Variants in BRAF observed in about 807,000 individuals in gnomAD.
BRAF encodes B-Raf proto-oncogene, serine/threonine kinase.
BRAF carries 16 observed loss-of-function variants against 104.6 expected under a neutral mutation model. The observed-to-expected ratio is 0.15, with a 90% confidence interval of 0.10 to 0.23. The LOEUF is 0.23. Ranked by LOEUF, BRAF falls within the 10% of genes least tolerant of loss-of-function variation. The pLI is 1.00. For synonymous variants in BRAF, 310 were observed against 341.6 expected, an observed-to-expected ratio of 0.91 and a Z score of 1.02; for missense variants, 541 against 937.3, an observed-to-expected ratio of 0.58 and a Z score of 5.52.
intron 10 of BRAF, among the ~76,000 whole-genome samples, chr7:140,784,775 G>C (rs1474666112): frequency 6.6e-6 from 1 of 151,958 alleles, no homozygotes; most frequent in Non-Finnish European, 1.5e-5. Context: ...CTCCCAAGTA[G>C]CTGGGATTAC....
Position 140,722,247 on chromosome 7 carries a change from T to C in BRAF, c.*4247A>G. 1 of 1,056,504 alleles carries C rather than the reference T, an allele frequency of 9.5e-7. No homozygotes were observed. Among genetic ancestry groups the C allele is most frequent in the East Asian group, 5.3e-5 (1 of 18,826 alleles). The allele number at this position is 1,056,504 out of a possible 1,614,324, so 65.4% of individuals were successfully genotyped here. On this transcript the variant is annotated 3_prime_UTR_variant, in exon 20 of 20. Coordinates refer to ENST00000644969, the MANE Select transcript of BRAF (RefSeq NM_001374258.1). Reference sequence around the variant, plus strand: ...AAAAATAATTTTGTTCACTGAAAATTTACCTGTGTGTTTTCTCATTGTTAA... The same window carrying C: ...AAAAATAATTTTGTTCACTGAAAATCTACCTGTGTGTTTTCTCATTGTTAA...
Position 140,724,244 on chromosome 7 carries a change from CAT to C in BRAF, c.*2248_*2249del, listed in dbSNP as rs1243921882. ...GAGGCAGTCCCGGACCCAGGCTGCACATGTTCTACCTCCTCAGCAGGACATGA... is the reference window on the plus strand; with the variant it reads ...GAGGCAGTCCCGGACCCAGGCTGCACGTTCTACCTCCTCAGCAGGACATGA... On this transcript the variant is annotated 3_prime_UTR_variant, in exon 20 of 20. Transcript: ENST00000644969. The C allele has an allele frequency of 9.4e-7, 1 of 1,059,254 alleles. No homozygotes were observed. Among genetic ancestry groups the C allele is most frequent in the Non-Finnish European group, 1.1e-6 (1 of 875,558 alleles). The allele number at this position is 1,059,254 out of a possible 1,614,324, so 65.6% of individuals were successfully genotyped here. A position where few individuals can be genotyped will look rare whatever the true frequency, so the allele number is the denominator to read the frequency against.
At chr7:140,921,814 C>A (rs1002341014) in intron 1 of BRAF, among the ~76,000 whole-genome samples, 11 of 149,710 alleles carry the variant, frequency 7.3e-5, no homozygotes, top group East Asian at 5.8e-4. Context: ...AAAAAAAAAA[C>A]CTACATTTTA....
intron 1 of BRAF, among the ~76,000 whole-genome samples, chr7:140,923,373 T>G (rs554905847): frequency 6.6e-6 from 1 of 152,302 alleles, no homozygotes; most frequent in South Asian, 2.1e-4. Context: ...AAGTATTATT[T>G]TCTGTAATAA....
chr7:140,825,200 C>A (rs963760938), intron 3 of BRAF, among the ~76,000 whole-genome samples: 1 of 152,092 alleles, frequency 6.6e-6, no homozygotes, highest in Non-Finnish European at 1.5e-5. Context: ...GAACTCCCGA[C>A]CTCATGATCC....
At chr7:140,877,993 A>T (rs183750855) in intron 1 of BRAF, among the ~76,000 whole-genome samples, 141 of 152,274 alleles carry the variant, frequency 9.3e-4, no homozygotes, top group Admixed American at 3.7e-3. Context: ...GAAACAGAAA[A>T]GGAGTAAGTA....
rs150800757 is a variant in BRAF at position 140,737,050 on chromosome 7, A to T, written c.2248-2280T>A. 4.3e-4 allele frequency among the ~76,000 whole-genome samples: 62 copies of T among 144,836 alleles called. 1 individual carries two copies. The highest frequency in any genetic ancestry group is 1.2e-3 in the African/African-American group (47 of 39,912). On this transcript the variant is annotated intron_variant, in intron 18 of 19. Transcript: ENST00000644969. ...GGGCAACAGAACAGGCCCAGCCTAT[A>T]AAAAAAAAAAATGAGGTATCATACT...
chr7:140,872,306 T>C (rs1586485401), intron 1 of BRAF, among the ~76,000 whole-genome samples: 1 of 151,754 alleles, frequency 6.6e-6, no homozygotes, highest in Non-Finnish European at 1.5e-5. Context: ...AGGAGTTAAC[T>C]AGCAAAATGG....
intron 3 of BRAF, among the ~76,000 whole-genome samples, chr7:140,833,328 C>T (rs181505692): frequency 1.3e-5 from 2 of 152,276 alleles, no homozygotes; most frequent in African/African-American, 2.4e-5. Flanking sequence ...AGAAGGGAAA[C>T]GCCTGGGACT....
At chr7:140,848,716 AG>A (rs1286437478) in intron 2 of BRAF, among the ~76,000 whole-genome samples, 2 of 152,238 alleles carry the variant, frequency 1.3e-5, no homozygotes, top group African/African-American at 4.8e-5. Context: ...ACCTTTGATC[AG>A]CCTCCTAATA....
intron 2 of BRAF, among the ~76,000 whole-genome samples, chr7:140,840,567 G>C (rs1328396367): frequency 2.0e-5 from 3 of 151,888 alleles, no homozygotes; most frequent in South Asian, 4.2e-4. Context: ...AAGGCGGGAG[G>C]ATTGCTTGAG....
chr7:140,732,034 A>G (rs976583631), intron 19 of BRAF: 3 of 148,010 alleles, frequency 2.0e-5, no homozygotes, highest in East Asian at 3.9e-4. Flanking sequence ...AGCCGGGCGT[A>G]GTGGCGGGCG....
At chr7:140,762,126 C>G (rs1798798772) in intron 14 of BRAF, among the ~76,000 whole-genome samples, 8 of 152,064 alleles carry the variant, frequency 5.3e-5, no homozygotes, top group Admixed American at 5.2e-4. Context: ...CAAAACTGAC[C>G]ACATACTTGG....
chr7:140,788,332 T>C (rs182945088), intron 8 of BRAF, among the ~76,000 whole-genome samples: 1 of 152,208 alleles, frequency 6.6e-6, no homozygotes, highest in Admixed American at 6.5e-5. Context: ...TTATCCATCA[T>C]ACTAAAAAGT....
At chr7:140,861,004 C>T (rs564525413) in intron 1 of BRAF, among the ~76,000 whole-genome samples, 21 of 152,210 alleles carry the variant, frequency 1.4e-4, no homozygotes, top group African/African-American at 4.8e-4. Context: ...AAAGCTAGCG[C>T]TATATTTATC....
intron 1 of BRAF, among the ~76,000 whole-genome samples, chr7:140,887,057 C>G (rs1398201871): frequency 6.6e-6 from 1 of 152,270 alleles, no homozygotes; most frequent in South Asian, 2.1e-4. Context: ...CACAACTACC[C>G]TGTAAGGTAG....
At chr7:140,771,543 T>C (rs1322140649) in intron 14 of BRAF, among the ~76,000 whole-genome samples, 1 of 152,170 alleles carries the variant, frequency 6.6e-6, no homozygotes, top group African/African-American at 2.4e-5. Context: ...ACTGCAACCT[T>C]AGCACTTTAT....
At chr7:140,756,539 G>A (rs1798219398) in intron 14 of BRAF, among the ~76,000 whole-genome samples, 1 of 150,780 alleles carries the variant, frequency 6.6e-6, no homozygotes, top group African/African-American at 2.4e-5. Context: ...AATGGAAAAT[G>A]CCAAAAAAAA....
chr7:140,762,686 T>C (rs984636780), intron 14 of BRAF, among the ~76,000 whole-genome samples: 36 of 147,080 alleles, frequency 2.4e-4, no homozygotes, highest in Non-Finnish European at 7.4e-5. Flanking sequence ...AGGACAATAG[T>C]GGAGGGAAGG....
Sources: allele counts gnomAD v4.1 joint callset (sites outside exome capture counted in the v4.1 genomes callset), GRCh38; gene constraint gnomAD v4.1.1; transcripts MANE v1.5; gene names NCBI Gene and HGNC (gene_info 2026-07-23, HGNC 2026-07-21).